LRRC4C: variants seen among roughly 807,000 people sequenced by gnomAD.
LRRC4C encodes the protein leucine rich repeat containing 4C.
Under a neutral mutation model 33.6 loss-of-function variants are expected in LRRC4C, and 5 were observed. The observed-to-expected ratio is 0.15, with a 90% CI of 0.08 to 0.31. The LOEUF (loss-of-function observed/expected upper bound fraction) is 0.31. LRRC4C is among the 10% of genes least tolerant of loss of function. The pLI is 1.00. For missense variants in LRRC4C, 560 were observed against 796.7 expected, an observed-to-expected ratio of 0.70 and a Z score of 3.58; for synonymous variants, 329 against 302.0, an observed-to-expected ratio of 1.09 and a Z score of -0.93.
At chr11:40,816,925 C>A (rs919620571) in intron 2 of LRRC4C, among the ~76,000 whole-genome samples, 1 of 152,096 alleles carries the variant, frequency 6.6e-6, no homozygotes, top group African/African-American at 2.4e-5. Context: ...GTGGTCCTAT[C>A]ACAATAGATA....
At chr11:41,215,038 A>ATATC (rs1491248268) in intron 1 of LRRC4C, among the ~76,000 whole-genome samples, 6 of 142,244 alleles carry the variant, frequency 4.2e-5, no homozygotes, top group African/African-American at 1.6e-4. Flanking sequence ...ATATATATAT[A>ATATC]TCACATTTTG....
chr11:40,262,919 G>A (rs557708019), intron 4 of LRRC4C, among the ~76,000 whole-genome samples: 10 of 151,422 alleles, frequency 6.6e-5, no homozygotes, highest in African/African-American at 1.9e-4. Flanking sequence ...ACCATGGCAC[G>A]TGTATACCTA....
At chr11:40,186,448 C>T (rs973386193) in intron 5 of LRRC4C, among the ~76,000 whole-genome samples, 3 of 152,122 alleles carry the variant, frequency 2.0e-5, no homozygotes, top group Admixed American at 2.0e-4. Flanking sequence ...CTCTCCTTCC[C>T]AGACCAAATC....
intron 1 of LRRC4C, among the ~76,000 whole-genome samples, chr11:40,989,526 T>G (rs1853347317): frequency 6.6e-6 from 1 of 152,144 alleles, no homozygotes; most frequent in Non-Finnish European, 1.5e-5. Flanking sequence ...GCAAAAAAAT[T>G]AGAAAACAGT....
At chr11:40,273,949 T>A (rs953489326) in intron 4 of LRRC4C, among the ~76,000 whole-genome samples, 15 of 152,068 alleles carry the variant, frequency 9.9e-5, no homozygotes, top group Non-Finnish European at 2.1e-4. Context: ...TTAGTCTATT[T>A]TCCCCACGAG....
intron 1 of LRRC4C, among the ~76,000 whole-genome samples, chr11:41,456,506 G>A (rs1283643131): frequency 6.6e-6 from 1 of 152,022 alleles, no homozygotes; most frequent in Non-Finnish European, 1.5e-5. Context: ...GAGAATGTTG[G>A]GCCTCCTTGT....
intron 2 of LRRC4C, among the ~76,000 whole-genome samples, chr11:40,650,695 C>T (rs1942740571): frequency 1.3e-5 from 2 of 152,144 alleles, no homozygotes. Flanking sequence ...ATTCACAGTA[C>T]TCTTTTAACT....
chr11:40,457,257 G>A (rs1952181328), intron 3 of LRRC4C, among the ~76,000 whole-genome samples: 1 of 151,586 alleles, frequency 6.6e-6, no homozygotes, highest in African/African-American at 2.4e-5. Context: ...ATTACAGAAA[G>A]GCAGAAAGAT....
intron 1 of LRRC4C, among the ~76,000 whole-genome samples, chr11:41,034,641 G>C (rs1856952507): frequency 8.2e-6 from 1 of 122,300 alleles, no homozygotes; most frequent in African/African-American, 3.1e-5. Context: ...ATATATATGA[G>C]GTGAGAGTTA....
At chr11:40,842,533 T>C (rs897177160) in intron 2 of LRRC4C, among the ~76,000 whole-genome samples, 1 of 152,170 alleles carries the variant, frequency 6.6e-6, no homozygotes, top group Non-Finnish European at 1.5e-5. Flanking sequence ...CACTTACTAT[T>C]ATTTTTATGG....
intron 2 of LRRC4C, among the ~76,000 whole-genome samples, chr11:40,931,941 G>A (rs1022115957): frequency 6.6e-6 from 1 of 152,046 alleles, no homozygotes; most frequent in African/African-American, 2.4e-5. Context: ...ATTAATTGAA[G>A]TCATTAATAA....
intron 3 of LRRC4C, among the ~76,000 whole-genome samples, chr11:40,615,373 A>G (rs1277999651): frequency 6.6e-6 from 1 of 150,376 alleles, no homozygotes; most frequent in Non-Finnish European, 1.5e-5. Flanking sequence ...AGCAACCTGA[A>G]CTCTATTTCC....
rs532772339 is a variant in LRRC4C at position 40,776,002 on chromosome 11, A to G, written c.-406-127724T>C. 2.4e-4 allele frequency among the ~76,000 whole-genome samples: 37 copies of G among 152,256 alleles called. 1 individual carries two copies. The highest frequency in any genetic ancestry group is 8.4e-4 in the African/African-American group (35 of 41,524). ...AATGAAGGGATTTTGGATTTTATCA[A>G]AAGGATTTTCTGTATCTATTGAGAT... On this transcript the variant is annotated intron_variant, in intron 2 of 6. Transcript: ENST00000528697.
intron 3 of LRRC4C, among the ~76,000 whole-genome samples, chr11:40,589,419 G>T (rs1958927748): frequency 6.6e-6 from 1 of 152,136 alleles, no homozygotes; most frequent in African/African-American, 2.4e-5. Flanking sequence ...GATGGGTCTT[G>T]AGTCTTTATC....
intron 2 of LRRC4C, among the ~76,000 whole-genome samples, chr11:40,791,076 T>C (rs1950604971): frequency 6.6e-6 from 1 of 152,104 alleles, no homozygotes; most frequent in Non-Finnish European, 1.5e-5. Flanking sequence ...AGCTGTTTTG[T>C]TTTTTGTGTT....
intron 1 of LRRC4C, among the ~76,000 whole-genome samples, chr11:41,016,586 C>T (rs1258956856): frequency 6.6e-6 from 1 of 152,164 alleles, no homozygotes; most frequent in Non-Finnish European, 1.5e-5. Flanking sequence ...ACATGACACT[C>T]AGGTGGAATT....
intron 3 of LRRC4C, among the ~76,000 whole-genome samples, chr11:40,611,606 A>G (rs1961222659): frequency 6.6e-6 from 1 of 151,820 alleles, no homozygotes; most frequent in Non-Finnish European, 1.5e-5. Flanking sequence ...ATATTTGCAA[A>G]CCACATATCT....
chr11:41,044,002 C>T (rs940355446), intron 1 of LRRC4C, among the ~76,000 whole-genome samples: 1 of 152,126 alleles, frequency 6.6e-6, no homozygotes, highest in African/African-American at 2.4e-5. Flanking sequence ...TTCCCTCCCC[C>T]ACACACCTCA....
At chr11:40,117,710 G>A (rs1449858559) in intron 6 of LRRC4C, among the ~76,000 whole-genome samples, 1 of 151,744 alleles carries the variant, frequency 6.6e-6, no homozygotes, top group African/African-American at 2.4e-5. Flanking sequence ...AAAAAAAAGG[G>A]GAGGGGGGCC....
Sources: gnomAD v4.1 joint callset for allele counts (sites outside exome capture counted in the v4.1 genomes callset) on GRCh38, gnomAD v4.1.1 for gene constraint, MANE v1.5 for transcripts, NCBI Gene and HGNC (gene_info 2026-07-23, HGNC 2026-07-21) for gene names.